The following RIT2 variants were observed in gnomAD, a reference collection of about 807,000 sequenced individuals.
RIT2 encodes the protein Ras like without CAAX 2.
Under a neutral mutation model 23.7 loss-of-function variants are expected in RIT2, and 24 were observed. That is an observed-to-expected ratio of 1.01 (90% CI 0.73 to 1.43). The LOEUF (loss-of-function observed/expected upper bound fraction) is 1.43, where lower values mean the gene tolerates loss of function less well. RIT2 is among the 40% of genes most tolerant of loss of function. The pLI is 0.00. For synonymous variants in RIT2, 107 were observed against 91.1 expected (o/e 1.17, Z -0.99); for missense variants, 236 against 266.9 (o/e 0.88, Z 0.81).
intron 4 of RIT2, among the ~76,000 whole-genome samples, chr18:42,854,928 T>C (rs577095145): frequency 1.3e-5 from 2 of 152,244 alleles, no homozygotes; most frequent in South Asian, 2.1e-4. Context: ...TCTTCTCTGA[T>C]CTCTTTTTCA....
chr18:43,029,797 ATGAT>A (rs1911814067), intron 2 of RIT2, among the ~76,000 whole-genome samples: 1 of 152,150 alleles, frequency 6.6e-6, no homozygotes, highest in African/African-American at 2.4e-5. Flanking sequence ...AAAAATAAAA[ATGAT>A]TGGCATTAGC....
At chr18:43,012,401 A>G (rs537327384) in intron 2 of RIT2, among the ~76,000 whole-genome samples, 16 of 151,988 alleles carry the variant, frequency 1.1e-4, no homozygotes, top group African/African-American at 3.1e-4. Flanking sequence ...TTGAATTGAT[A>G]TACAACAGAG....
chr18:42,857,047 C>T (rs111576571), intron 4 of RIT2, among the ~76,000 whole-genome samples: 3,545 of 152,100 alleles, frequency 0.023, 133 homozygotes, highest in African/African-American at 0.079. Context: ...CCAGGATGGT[C>T]TCGATCTCCT....
intron 2 of RIT2, among the ~76,000 whole-genome samples, chr18:42,987,317 A>G (rs9954758): frequency 0.95 from 145,153 of 152,226 alleles, 69,571 homozygotes; most frequent in East Asian, 1. Context: ...GCATGAAACA[A>G]GCATGTGCAG....
chr18:42,986,675 T>C (rs1212631157), intron 2 of RIT2, among the ~76,000 whole-genome samples: 1 of 151,938 alleles, frequency 6.6e-6, no homozygotes, highest in Non-Finnish European at 1.5e-5. Context: ...CTAATTTTTG[T>C]ATTTTTAGTT....
intron 4 of RIT2, among the ~76,000 whole-genome samples, chr18:42,895,828 A>G (rs1022647728): frequency 3.3e-5 from 5 of 152,204 alleles, no homozygotes; most frequent in African/African-American, 9.7e-5. Flanking sequence ...GTTGCACAGC[A>G]ATATGGGCTT....
intron 2 of RIT2, among the ~76,000 whole-genome samples, chr18:42,983,958 T>G (rs1246617758): frequency 6.6e-6 from 1 of 152,068 alleles, no homozygotes; most frequent in African/African-American, 2.4e-5. Flanking sequence ...CCTACAACAA[T>G]TTAAAGAAAA....
intron 1 of RIT2, among the ~76,000 whole-genome samples, chr18:43,092,275 G>A (rs1305132829): frequency 1.3e-5 from 2 of 152,102 alleles, no homozygotes; most frequent in Admixed American, 6.6e-5. Flanking sequence ...GGCTTATGGA[G>A]TTAGAAAGCT....
At chr18:43,093,664 TC>T (rs1913478149) in intron 1 of RIT2, among the ~76,000 whole-genome samples, 1 of 151,760 alleles carries the variant, frequency 6.6e-6, no homozygotes, top group Non-Finnish European at 1.5e-5. Flanking sequence ...TTCCAAAGAG[TC>T]AGTTCTCTGT....
chr18:42,958,293 T>C (rs559886458), intron 3 of RIT2, among the ~76,000 whole-genome samples: 1 of 152,290 alleles, frequency 6.6e-6, no homozygotes, highest in Non-Finnish European at 1.5e-5. Flanking sequence ...AAATGTAGGG[T>C]CTTGATCTGT....
intron 3 of RIT2, among the ~76,000 whole-genome samples, chr18:42,965,711 C>CTTTTTTTTTTTTTTTTTT (rs58344278): frequency 5.3e-5 from 2 of 37,786 alleles, no homozygotes; most frequent in Non-Finnish European, 1.1e-4. Flanking sequence ...GTACTGATGG[C>CTTTTTTTTTTTTTTTTTT]TTTTTTTTTT....
chr18:43,080,868 G>A (rs568354930), intron 1 of RIT2, among the ~76,000 whole-genome samples: 2 of 152,212 alleles, frequency 1.3e-5, no homozygotes, highest in South Asian at 4.2e-4. Context: ...TTCTTCTTAA[G>A]AAGGATGACC....
intron 2 of RIT2, among the ~76,000 whole-genome samples, chr18:43,030,856 C>T (rs532375917): frequency 5.4e-4 from 82 of 152,112 alleles, no homozygotes; most frequent in African/African-American, 1.4e-3. Flanking sequence ...ACATCTACTA[C>T]GGAAAATCAG....
chr18:42,921,674 A>T (rs894274985), intron 4 of RIT2, among the ~76,000 whole-genome samples: 3 of 152,108 alleles, frequency 2.0e-5, no homozygotes, highest in Non-Finnish European at 4.4e-5. Flanking sequence ...ATGTTTCCTG[A>T]ATGTTTTCAA....
At chr18:43,089,791 G>A (rs773577857) in intron 1 of RIT2, among the ~76,000 whole-genome samples, 3 of 151,860 alleles carry the variant, frequency 2.0e-5, no homozygotes, top group Admixed American at 6.6e-5. Context: ...AATAAGGGAA[G>A]GATTCCCTAC....
At chr18:42,771,714 T>A (rs1396733799) in intron 4 of RIT2, among the ~76,000 whole-genome samples, 1 of 152,116 alleles carries the variant, frequency 6.6e-6, no homozygotes, top group Non-Finnish European at 1.5e-5. Context: ...TCCAGATAAT[T>A]TGTGTTATAT....
At chr18:43,046,821 T>C (rs1376285853) in intron 1 of RIT2, among the ~76,000 whole-genome samples, 1 of 152,188 alleles carries the variant, frequency 6.6e-6, no homozygotes, top group Non-Finnish European at 1.5e-5. Context: ...AATGCAATTG[T>C]CTTTTAAGCT....
chr18:42,954,577 T>C (rs1348388647), intron 3 of RIT2, among the ~76,000 whole-genome samples: 1 of 152,042 alleles, frequency 6.6e-6, no homozygotes, highest in Non-Finnish European at 1.5e-5. Flanking sequence ...ACAAGCTCCA[T>C]ATAATGTAGA....
At chr18:42,929,034 G>GAGATATATATATATATATATATAT (rs1555647353) in intron 3 of RIT2, among the ~76,000 whole-genome samples, 1 of 96,944 alleles carries the variant, frequency 1.0e-5, no homozygotes, top group African/African-American at 4.0e-5. Flanking sequence ...AAAATATGGA[G>GAGATATATATATATATATATATAT]ATATATATAT....
Sources: allele counts gnomAD v4.1 joint callset (sites outside exome capture counted in the v4.1 genomes callset), GRCh38; gene constraint gnomAD v4.1.1; transcripts MANE v1.5; gene names NCBI Gene and HGNC (gene_info 2026-07-23, HGNC 2026-07-21).